CACNA1A: variants seen among roughly 807,000 people sequenced by gnomAD.
The protein encoded by CACNA1A is calcium voltage-gated channel subunit alpha1 A.
Under a neutral mutation model 262.4 loss-of-function variants are expected in CACNA1A, and 57 were observed. The observed-to-expected ratio is 0.22, with a 90% CI of 0.18 to 0.27. The LOEUF (loss-of-function observed/expected upper bound fraction) is 0.27, where lower values mean the gene tolerates loss of function less well. Among genes scored for constraint, CACNA1A ranks in the 10% least tolerant of loss-of-function variants. The pLI, the probability that CACNA1A is intolerant of heterozygous loss-of-function variation, is 1.00. For missense variants in CACNA1A, 2,526 were observed against 3,562.8 expected (o/e 0.71, Z 7.41); for synonymous variants, 1,431 against 1,419.3 (o/e 1.01, Z -0.18).
intron 3 of CACNA1A, among the ~76,000 whole-genome samples, chr19:13,390,328 T>C (rs575969392): frequency 5.3e-5 from 8 of 152,248 alleles, no homozygotes; most frequent in Admixed American, 4.6e-4. Flanking sequence ...CCCAGGCTGG[T>C]CTCAAACCCC....
intron 19 of CACNA1A, among the ~76,000 whole-genome samples, chr19:13,291,428 C>G (rs2057535175): frequency 6.6e-6 from 1 of 151,672 alleles, no homozygotes. Flanking sequence ...CAGGAGGAGA[C>G]TGAGGTTCAG....
At chr19:13,421,363 G>C (rs2060312306) in intron 3 of CACNA1A, among the ~76,000 whole-genome samples, 1 of 152,050 alleles carries the variant, frequency 6.6e-6, no homozygotes, top group African/African-American at 2.4e-5. Context: ...TGTAGTCATG[G>C]GGGATAGGAC....
intron 3 of CACNA1A, among the ~76,000 whole-genome samples, chr19:13,392,032 A>G (rs78116003): frequency 1.2e-4 from 18 of 145,998 alleles, no homozygotes; most frequent in Admixed American, 2.1e-4. Context: ...CCATGTCTCA[A>G]AAAAAAAAAA....
intron 1 of CACNA1A, among the ~76,000 whole-genome samples, chr19:13,468,984 G>C (rs2061301753): frequency 6.6e-6 from 1 of 152,086 alleles, no homozygotes; most frequent in Non-Finnish European, 1.5e-5. Flanking sequence ...GAGAATCAAA[G>C]AAAGACCTTC....
At chr19:13,458,502 A>T (rs1410114630) in intron 1 of CACNA1A, among the ~76,000 whole-genome samples, 1 of 149,486 alleles carries the variant, frequency 6.7e-6, no homozygotes, top group African/African-American at 2.5e-5. Flanking sequence ...TTACCTCAAT[A>T]AAAAAAAAAT....
In CACNA1A at chr19:13,212,823, A is replaced by AGT; in HGVS notation, c.5941-85_5941-84dup. 1 of 577,206 alleles carries AGT rather than the reference A, an allele frequency of 1.7e-6. No individual in the cohort carries two copies. The highest frequency in any genetic ancestry group is 3.0e-6 in the Non-Finnish European group (1 of 337,180). 35.8% of individuals were successfully genotyped at this position (577,206 alleles called of 1,614,324 possible). A position where few individuals can be genotyped will look rare whatever the true frequency, so the allele number is the denominator to read the frequency against. On this transcript the variant is annotated intron_variant, in intron 40 of 46. Transcript: ENST00000360228. This position sits in a 1 kb window ranked among gnomAD's most constrained non-coding sequence, Gnocchi z 5.6. The stretch of plus-strand genomic sequence containing the variant: ...ACCCAGAAGGCATTGCGACATCCCC[A>AGT]GTATACACACACACACACACACACA...
chr19:13,214,342 A>G lies in CACNA1A; in HGVS notation c.5840-9T>C. On this transcript the variant is annotated splice_polypyrimidine_tract_variant and intron_variant, in intron 39 of 46. Transcript: ENST00000360228. The surrounding 1 kb of genome is among the most constrained non-coding windows in gnomAD (Gnocchi z 4.1). ...CACGGTGAGGTCCGTGGCTGGGGGCACACACACGGTGAGCTCACCAAGGGC... is the reference window on the plus strand; with the variant it reads ...CACGGTGAGGTCCGTGGCTGGGGGCGCACACACGGTGAGCTCACCAAGGGC... The G allele has an allele frequency of 6.2e-7, 1 of 1,611,782 alleles. No homozygotes were observed.
At chr19:13,345,991 C>CCTGG (rs2058757646) in intron 6 of CACNA1A, among the ~76,000 whole-genome samples, 1 of 145,928 alleles carries the variant, frequency 6.9e-6, no homozygotes, top group South Asian at 2.2e-4. Context: ...ACCTCCATCT[C>CCTGG]CTGGGTTCAA....
At chr19:13,313,498 T>TCAAAAAAAA (rs1194521029) in intron 11 of CACNA1A, among the ~76,000 whole-genome samples, 1 of 65,710 alleles carries the variant, frequency 1.5e-5, no homozygotes, top group Non-Finnish European at 2.7e-5. Context: ...AGACCTTGTC[T>TCAAAAAAAA]AAAAAAAAAA....
chr19:13,310,531 G>T (rs2058013615), intron 12 of CACNA1A, among the ~76,000 whole-genome samples: 1 of 111,922 alleles, frequency 8.9e-6, no homozygotes, highest in African/African-American at 3.5e-5. Context: ...GAGAGAGAGA[G>T]TTTAATTTTG....
chr19:13,296,171 G>A (rs1238538027), intron 19 of CACNA1A, among the ~76,000 whole-genome samples: 1 of 152,212 alleles, frequency 6.6e-6, no homozygotes, highest in Non-Finnish European at 1.5e-5. Context: ...CGTTGCAAAT[G>A]CAGAATCTCA....
chr19:13,479,016 A>C (rs1978921250), intron 1 of CACNA1A, among the ~76,000 whole-genome samples: 1 of 152,164 alleles, frequency 6.6e-6, no homozygotes, highest in South Asian at 2.1e-4. Context: ...TGTACTAAAA[A>C]TACAAAAATT....
chr19:13,285,061 T>C lies in CACNA1A; in HGVS notation c.3692+7A>G, dbSNP rs1600242558. On this transcript the variant is annotated splice_region_variant and intron_variant, in intron 21 of 46. Coordinates refer to ENST00000360228, the MANE Select transcript of CACNA1A (RefSeq NM_001127222.2). ...CCCCCCCTGCCCTTGCTGGGGGCCA[T>C]ACTCACGGGTTGGTCGTGGACAGGA... is the stretch of plus-strand genomic sequence containing the variant. 1.9e-6 allele frequency: 3 copies of C among 1,613,986 alleles called. No individual in the cohort carries two copies. The highest frequency in any genetic ancestry group is 2.2e-5 in the East Asian group (1 of 44,862).
intron 35 of CACNA1A, 126 bp from the exon 36 acceptor site, chr19:13,230,335 TGGAGAGAG>T: frequency 1.1e-6 from 1 of 923,462 alleles, no homozygotes; most frequent in Non-Finnish European, 1.7e-6. Flanking sequence ...GAGGCCCAGA[TGGAGAGAG>T]GGATAGAGAG....
chr19:13,236,352 C>A lies in CACNA1A; in HGVS notation c.4951-622G>T. ...CCCTGCCCTGCCCTGCCCTGCCGAG[C>A]TGCCCACCCGCTCCTGCCCGCCCTG... On this transcript the variant is annotated intron_variant, in intron 31 of 46. Coordinates refer to ENST00000360228, the MANE Select transcript of CACNA1A (RefSeq NM_001127222.2). This position sits in a 1 kb window ranked among gnomAD's most constrained non-coding sequence, Gnocchi z 4.6. 6.5e-6 allele frequency: 1 copy of A among 154,094 alleles called. No homozygotes were observed. The allele number at this position is 154,094 out of a possible 1,614,324, so 9.5% of individuals were successfully genotyped here. A position where few individuals can be genotyped will look rare whatever the true frequency, so the allele number is the denominator to read the frequency against.
intron 6 of CACNA1A, among the ~76,000 whole-genome samples, chr19:13,340,181 G>T (rs1382334058): frequency 6.6e-6 from 1 of 152,032 alleles, no homozygotes; most frequent in East Asian, 1.9e-4. Context: ...AACAGCCGAG[G>T]CCCTTCCATA....
intron 6 of CACNA1A, among the ~76,000 whole-genome samples, chr19:13,350,707 T>TA (rs77997558): frequency 0.12 from 18,558 of 151,576 alleles, 2,125 homozygotes; most frequent in African/African-American, 0.3. Flanking sequence ...CACAACTCCT[T>TA]AAAAAAAAAT....
chr19:13,400,740 C>G (rs1317194073), intron 3 of CACNA1A, among the ~76,000 whole-genome samples: 3 of 152,124 alleles, frequency 2.0e-5, no homozygotes, highest in African/African-American at 7.2e-5. Flanking sequence ...TGAGGCAGTG[C>G]ACAGGATAGC....
At chr19:13,294,395 G>A (rs1568502987) in intron 19 of CACNA1A, among the ~76,000 whole-genome samples, 1 of 151,496 alleles carries the variant, frequency 6.6e-6, no homozygotes, top group Non-Finnish European at 1.5e-5. Flanking sequence ...TTCTCTAAAT[G>A]CTCAGGCTGG....
Sources: gnomAD v4.1 joint callset for allele counts (sites outside exome capture counted in the v4.1 genomes callset) on GRCh38, gnomAD v4.1.1 for gene constraint, Gnocchi (gnomAD v3.1) non-coding constraint, MANE v1.5 for transcripts, NCBI Gene and HGNC (gene_info 2026-07-23, HGNC 2026-07-21) for gene names.